RIMBP2: variants seen among roughly 807,000 people sequenced by gnomAD.
The protein encoded by RIMBP2 is RIMS-binding protein 2.
Under a neutral mutation model 118.6 loss-of-function variants are expected in RIMBP2, and 48 were observed. The ratio of observed to expected loss-of-function variants is 0.40; its 90% CI spans 0.32 to 0.51. The LOEUF is 0.51. Ranked by LOEUF, RIMBP2 falls within the 20% of genes least tolerant of loss-of-function variation. RIMBP2 has a pLI of 0.41. For synonymous variants in RIMBP2, 762 were observed against 742.9 expected, an observed-to-expected ratio of 1.03 and a Z score of -0.42; for missense variants, 1,551 against 1,768.3, an observed-to-expected ratio of 0.88 and a Z score of 2.20.
At chr12:130,561,918 T>C (rs1477003253) in intron 2 of RIMBP2, among the ~76,000 whole-genome samples, 2 of 152,184 alleles carry the variant, frequency 1.3e-5, no homozygotes, top group African/African-American at 2.4e-5. Flanking sequence ...CTTTTATTAA[T>C]AATTTATTCT....
rs1001972063 is a variant in RIMBP2, at chr12:130,419,922, T to A, written c.3238+2531A>T. 4.6e-5 allele frequency: 7 copies of A among 152,226 alleles called. No homozygotes were observed. Among genetic ancestry groups the A allele is most frequent in the Non-Finnish European group, 7.3e-5 (5 of 68,050 alleles). 9.4% of individuals were successfully genotyped at this position (152,226 alleles called of 1,614,324 possible). On this transcript the variant is annotated intron_variant, in intron 17 of 22. Coordinates refer to ENST00000690449, the MANE Select transcript of RIMBP2 (RefSeq NM_001393629.1). The surrounding 1 kb of genome is among the most constrained non-coding windows in gnomAD (Gnocchi z 4.3). ...TTTTTTAATCATGAAGGACATTTTT[T>A]AAATTTTGGAAATCCAGAAAATATT...
intron 1 of RIMBP2, among the ~76,000 whole-genome samples, chr12:130,706,567 T>A (rs1200049268): frequency 2.0e-5 from 3 of 152,240 alleles, no homozygotes; most frequent in African/African-American, 7.2e-5. Flanking sequence ...GCGCTCCCCA[T>A]GGCAGCATGG....
intron 22 of RIMBP2, 24 bp from the exon 23 acceptor site, chr12:130,397,573 T>C (rs2074156742): frequency 2.5e-6 from 1 of 398,818 alleles, no homozygotes; most frequent in African/African-American, 2.1e-5. Context: ...TGTTACAGTT[T>C]ATTGAGTGTG....
At chr12:130,406,598 G>A (rs947941448) in intron 20 of RIMBP2, among the ~76,000 whole-genome samples, 41 of 152,318 alleles carry the variant, frequency 2.7e-4, no homozygotes, top group Middle Eastern at 3.4e-3. Flanking sequence ...GGACCATTAC[G>A]TAAATATCCT....
intron 5 of RIMBP2, among the ~76,000 whole-genome samples, chr12:130,478,652 T>A (rs1366100711): frequency 1.3e-5 from 2 of 152,236 alleles, no homozygotes; most frequent in South Asian, 2.1e-4. Flanking sequence ...TCTCTACGCA[T>A]GTGTTTTTCC....
chr12:130,572,548 G>A (rs751234184), intron 2 of RIMBP2, among the ~76,000 whole-genome samples: 8 of 152,066 alleles, frequency 5.3e-5, no homozygotes, highest in Admixed American at 4.6e-4. Flanking sequence ...ACTGGGCTGC[G>A]TGAACTTGCT....
At chr12:130,587,182 G>C (rs1407585657) in intron 2 of RIMBP2, among the ~76,000 whole-genome samples, 2,052 of 131,740 alleles carry the variant, frequency 0.016, no homozygotes, top group African/African-American at 0.039. Flanking sequence ...GGAAATAACA[G>C]GTGCTGGAGA....
Position 130,641,542 on chromosome 12 carries a change from G to A in RIMBP2, c.-351-13086C>T, listed in dbSNP as rs756861369. ...CTGGATTTAGGATGGTGACTGCAGC[G>A]CTTTGCCTTTCTTCTGCATCATAAC... On this transcript the variant is annotated intron_variant, in intron 1 of 22. Coordinates refer to ENST00000690449, the MANE Select transcript of RIMBP2 (RefSeq NM_001393629.1). 1.1e-3 allele frequency among the ~76,000 whole-genome samples: 170 copies of A among 152,128 alleles called. 3 individuals carry two copies. Among genetic ancestry groups the A allele is most frequent in the Non-Finnish European group, 5.4e-4 (37 of 68,022 alleles).
chr12:130,550,530 A>C (rs984832611), intron 2 of RIMBP2, among the ~76,000 whole-genome samples: 1 of 152,212 alleles, frequency 6.6e-6, no homozygotes, highest in African/African-American at 2.4e-5. Flanking sequence ...CACGGTGGTG[A>C]ATGATGTTTC....
At chr12:130,634,153 C>T (rs562846522) in intron 1 of RIMBP2, among the ~76,000 whole-genome samples, 25 of 152,304 alleles carry the variant, frequency 1.6e-4, no homozygotes, top group Non-Finnish European at 2.5e-4. Flanking sequence ...TTTCCTCAGT[C>T]GCTCTCTTCC....
At position 130,569,740 on chromosome 12, in the gene RIMBP2, G is replaced by A. The variant is rs186421026; in HGVS notation, c.-216-51823C>T. On this transcript the variant is annotated intron_variant, in intron 2 of 22. Transcript: ENST00000690449. ...GACGCCTGTTCCCTCTTCACCTTCC[G>A]CCATGACTGAGCGTTTCCTGAGGCC... Among the ~76,000 whole-genome samples the A allele has an allele frequency of 5.3e-3, 808 of 152,098 alleles. 4 individuals are homozygous for A. Among genetic ancestry groups the A allele is most frequent in the Middle Eastern group, 0.014 (4 of 294 alleles).
chr12:130,561,455 C>T (rs867411268), intron 2 of RIMBP2, among the ~76,000 whole-genome samples: 1 of 152,174 alleles, frequency 6.6e-6, no homozygotes, highest in South Asian at 2.1e-4. Flanking sequence ...GGGAACCTGA[C>T]TGATACGAGC....
intron 5 of RIMBP2, among the ~76,000 whole-genome samples, chr12:130,474,804 C>A (rs183263452): frequency 6.6e-6 from 1 of 152,168 alleles, no homozygotes; most frequent in African/African-American, 2.4e-5. Context: ...CGGGTCCCAG[C>A]CCGGACACGC....
chr12:130,563,110 T>C (rs61934607), intron 2 of RIMBP2, among the ~76,000 whole-genome samples: 15,022 of 152,228 alleles, frequency 0.099, 1,009 homozygotes, highest in Admixed American at 0.19. Context: ...TTATCCTGAG[T>C]TTGGTTCTAA....
At position 130,621,715 on chromosome 12, in the gene RIMBP2, A is replaced by G. The variant is rs1005071241; in HGVS notation, c.-217+6607T>C. Among the ~76,000 whole-genome samples, 4 of 152,198 alleles carry G rather than the reference A, an allele frequency of 2.6e-5. No homozygotes were observed. Among genetic ancestry groups the G allele is most frequent in the Non-Finnish European group, 5.9e-5 (4 of 68,030 alleles). ...CGAGTTTACCAAGAGACACGAGTGA[A>G]ATGGATGATACCGAGACCTGGGTAC... On this transcript the variant is annotated intron_variant, in intron 2 of 22. Coordinates refer to ENST00000690449, the MANE Select transcript of RIMBP2 (RefSeq NM_001393629.1). The surrounding 1 kb of genome is among the most constrained non-coding windows in gnomAD (Gnocchi z 6.6).
intron 2 of RIMBP2, among the ~76,000 whole-genome samples, chr12:130,547,074 T>C (rs774197523): frequency 6.6e-6 from 1 of 152,246 alleles, no homozygotes; most frequent in African/African-American, 2.4e-5. Context: ...CTACTTCCAC[T>C]GAGACTGTGA....
At chr12:130,587,530 G>A (rs1262917145) in intron 2 of RIMBP2, among the ~76,000 whole-genome samples, 11 of 86,376 alleles carry the variant, frequency 1.3e-4, no homozygotes, top group African/African-American at 5.3e-4. Flanking sequence ...TCCTTTGTAG[G>A]GACATGGATG....
rs551552775 is a variant in RIMBP2 at position 130,456,542 on chromosome 12, C to T, written c.312G>A (p.Lys104=). ...GGCCATTCATGAACTGTGGGAAAGG[C>T]TTGCTGGGGGCCGTGGAGATGTCCA... ...APLDISTAPS[K]PFPQFMNGLA... The change falls in exon 7 of 23, where the codon AAG becomes AAA. Residue 104 remains lysine, a synonymous_variant. Transcript: ENST00000690449. 3.1e-6 allele frequency: 5 copies of T among 1,609,380 alleles called. No homozygotes were observed. The Admixed American group carries it at 6.7e-5, about 22-fold the overall frequency.
intron 2 of RIMBP2, 116 bp from the exon 3 acceptor site, chr12:130,518,033 G>T (rs916455093): frequency 5.3e-6 from 1 of 187,144 alleles, no homozygotes; most frequent in Non-Finnish European, 1.0e-5. Context: ...CACTGATTCT[G>T]CAATCCATAA....
Sources: allele counts gnomAD v4.1 joint callset (sites outside exome capture counted in the v4.1 genomes callset), GRCh38; gene constraint gnomAD v4.1.1; non-coding constraint Gnocchi (gnomAD v3.1); transcripts MANE v1.5; gene names NCBI Gene and HGNC (gene_info 2026-07-23, HGNC 2026-07-21).